RRP12: variants seen among roughly 807,000 people sequenced by gnomAD.
RRP12 encodes ribosomal RNA processing 12 homolog.
RRP12 carries 78 observed loss-of-function variants against 157.3 expected under a neutral mutation model. The observed-to-expected ratio is 0.50, with a 90% CI of 0.41 to 0.60. The LOEUF is 0.60. RRP12 is among the 20% of genes least tolerant of loss of function. RRP12 has a pLI of 0.00. For missense variants in RRP12, 1,521 were observed against 1,679.9 expected (o/e 0.91, Z 1.65); for synonymous variants, 726 against 670.9 (o/e 1.08, Z -1.27).
intron 30 of RRP12, among the ~76,000 whole-genome samples, chr10:97,361,624 G>A (rs913808003): frequency 1.3e-5 from 2 of 152,218 alleles, no homozygotes; most frequent in African/African-American, 4.8e-5. Flanking sequence ...ACTGGCCGAA[G>A]CCCAGCTGAG....
intron 31 of RRP12, among the ~76,000 whole-genome samples, chr10:97,360,200 G>A (rs528778583): frequency 2.0e-5 from 3 of 152,316 alleles, no homozygotes; most frequent in South Asian, 2.1e-4. Flanking sequence ...AGCCTGACTC[G>A]GTTGGTGCTC....
chr10:97,364,035 C>G (rs531669684), intron 29 of RRP12, 132 bp from the exon 30 acceptor site: 1 of 738,678 alleles, frequency 1.4e-6, no homozygotes, highest in Admixed American at 2.0e-5. Flanking sequence ...CTTCCTCAGA[C>G]CAATATCATC....
At position 97,401,328 on chromosome 10, in the gene RRP12, T is replaced by C; in HGVS notation, c.-97A>G. ...CACGTGGATACCCTGTAGCCTTCAC[T>C]TCCTCTTCTTCTGGCGTCACTTCCG... On this transcript the variant is annotated 5_prime_UTR_variant, in exon 1 of 34. Transcript: ENST00000370992. 2 of 1,454,956 alleles carry C rather than the reference T, an allele frequency of 1.4e-6. No homozygotes were observed. The highest frequency in any genetic ancestry group is 9.4e-7 in the Non-Finnish European group (1 of 1,058,684). The allele number at this position is 1,454,956 out of a possible 1,614,324, so 90.1% of individuals were successfully genotyped here. A position where few individuals can be genotyped will look rare whatever the true frequency, so the allele number is the denominator to read the frequency against.
At chr10:97,360,887 G>A (rs1185803989) in intron 30 of RRP12, among the ~76,000 whole-genome samples, 2 of 152,206 alleles carry the variant, frequency 1.3e-5, no homozygotes, top group African/African-American at 2.4e-5. Flanking sequence ...TTTCCACTCT[G>A]GGCCCCACCC....
chr10:97,357,264 G>T (rs1843735299), intron 33 of RRP12, 68 bp from the exon 34 acceptor site: 2 of 1,008,652 alleles, frequency 2.0e-6, no homozygotes, highest in Non-Finnish European at 3.0e-6. Flanking sequence ...GTTGCCAAAT[G>T]ATGGCTCACC....
intron 4 of RRP12, chr10:97,393,332 A>C: frequency 2.2e-6 from 1 of 456,494 alleles, no homozygotes; most frequent in Non-Finnish European, 4.3e-6. Context: ...CCCTATAGAC[A>C]TGCCTTTTGT....
rs887739572 is a variant in RRP12 at position 97,357,284 on chromosome 10, A to C, written c.3792-88T>G. ...CAAATGATGGCTCACCCCCAGCGCC[A>C]GCAGGGATGAGAAGGGGGCCTCCAG... On this transcript the variant is annotated intron_variant, in intron 33 of 33. Transcript: ENST00000370992. The C allele has an allele frequency of 6.3e-6, 5 of 793,978 alleles. No homozygotes were observed. In the Admixed American group the frequency reaches 7.6e-5, roughly 12 times the overall value. The allele number at this position is 793,978 out of a possible 1,614,324, so 49.2% of individuals were successfully genotyped here. A position where few individuals can be genotyped will look rare whatever the true frequency, so the allele number is the denominator to read the frequency against.
intron 33 of RRP12, among the ~76,000 whole-genome samples, chr10:97,358,199 G>A (rs1843759870): frequency 6.6e-6 from 1 of 151,970 alleles, no homozygotes; most frequent in Admixed American, 6.6e-5. Context: ...TGGGCATGGT[G>A]GCACGCGCCT....
intron 5 of RRP12, 84 bp from the exon 6 acceptor site, chr10:97,390,623 C>G (rs758859520): frequency 1.5e-6 from 2 of 1,362,194 alleles, no homozygotes; most frequent in Non-Finnish European, 2.1e-6. Context: ...TCCAGAAAAT[C>G]GCATCTGTCT....
At position 97,370,770 on chromosome 10, in the gene RRP12, G is replaced by A. The variant is rs543138148; in HGVS notation, c.2529C>T (p.Ile843=). The part of the protein sequence containing the change: ...KRPRLKCLLH[I]VRKLSAEHKE... ...TGTGTTCAGCTGAGAGCTTCCTCAC[G>A]ATGTGTAGGAGGCACTTCAAACGGG... The change falls in exon 22 of 34, where the codon ATC becomes ATT. Residue 843 remains isoleucine (I), a synonymous_variant. Transcript: ENST00000370992. 1.1e-5 allele frequency: 18 copies of A among 1,613,984 alleles called. No individual in the cohort carries two copies. In the Admixed American group the frequency reaches 1.2e-4, roughly 10 times the overall value.
intron 32 of RRP12, 79 bp downstream of exon 32, chr10:97,358,864 G>T: frequency 2.5e-6 from 3 of 1,214,110 alleles, no homozygotes; most frequent in Non-Finnish European, 3.6e-6. Context: ...TCAGGACAGT[G>T]ATGGGCACAG....
In RRP12 at chr10:97,385,947, G is replaced by A. The variant is rs1461493910; in HGVS notation, c.1064C>T (p.Ala355Val). The change falls in exon 9 of 34, where the codon GCC (alanine) becomes GTC (valine). Residue 355 changes from alanine to valine, a missense_variant. Transcript: ENST00000370992. ...AMQAFHSLFH[A>V]RPGLSTLSAE... is the part of the protein sequence containing the mutation. ...TGACAGGGTGCTCAGGCCAGGCCTG[G>A]CGTGGAAGAGGCTGTGAAAGGCCTG... 1.1e-5 allele frequency: 17 copies of A among 1,606,610 alleles called. No individual in the cohort carries two copies. Among genetic ancestry groups the A allele is most frequent in the Non-Finnish European group, 1.4e-5 (16 of 1,176,850 alleles).
Position 97,390,433 on chromosome 10 carries a change from G to A in RRP12, c.743C>T (p.Pro248Leu), listed in dbSNP as rs777833961. Residue 248 changes from proline to leucine, a missense_variant, in exon 6 of 34, where the codon CCC (proline) becomes CTC (leucine). Coordinates refer to ENST00000370992, the MANE Select transcript of RRP12 (RefSeq NM_015179.4). ...YHGLLSFTVHPKPKIRKAAQH... is the reference protein window; with the variant it reads ...YHGLLSFTVHLKPKIRKAAQH... ...AGCTAGTAGTCTCACCTTGGGCTTGGGATGCACCGTGAAGCTCAGCAGCCC... is the reference window on the plus strand; with the variant it reads ...AGCTAGTAGTCTCACCTTGGGCTTGAGATGCACCGTGAAGCTCAGCAGCCC... 6 of 1,612,936 alleles carry A rather than the reference G, an allele frequency of 3.7e-6. No individual in the cohort carries two copies. The highest frequency in any genetic ancestry group is 5.1e-6 in the Non-Finnish European group (6 of 1,179,006).
intron 29 of RRP12, 127 bp downstream of exon 29, chr10:97,365,980 CA>C: frequency 3.1e-6 from 4 of 1,305,548 alleles, no homozygotes; most frequent in Non-Finnish European, 4.3e-6. Flanking sequence ...TTGAGAAACT[CA>C]AAAAGTTTGA....
Position 97,370,231 on chromosome 10 carries a change from C to T in RRP12, c.2733G>A (p.Val911=), listed in dbSNP as rs1329660346. Residue 911 remains valine (V), a synonymous_variant, in exon 24 of 34, where the codon GTG becomes GTA. Transcript: ENST00000370992. ...TGCAGCTGACCATGGTCACCGCGCC[C>T]ACCAGGCCAGGGTAGATCAGGACGA... ...CYLVLIYPGL[V]GAVTMVSCSI... is the part of the protein sequence containing the mutation. 2 of 1,605,834 alleles carry T rather than the reference C, an allele frequency of 1.2e-6. No homozygotes were observed. The highest frequency in any genetic ancestry group is 1.7e-6 in the Non-Finnish European group (2 of 1,176,754).
chr10:97,386,968 T>C (rs10882917), intron 8 of RRP12, among the ~76,000 whole-genome samples: 58,212 of 151,020 alleles, frequency 0.39, 11,672 homozygotes, highest in African/African-American at 0.51. Context: ...CCAGCCTGGG[T>C]GACAGAGCGA....
In RRP12 at chr10:97,400,379, G is replaced by A. The variant is rs1291340831; in HGVS notation, c.295C>T (p.Leu99Phe). Residue 99 changes from leucine (L) to phenylalanine (F), a missense_variant, in exon 2 of 34, where the codon CTT becomes TTT. By Grantham distance (22) the Leu-to-Phe change is conservative. Transcript: ENST00000370992. ...EKSSGTFLSG[L>F]SDCTNVTFSK... Reference sequence around the variant, plus strand: ...AAGGTGACGTTTGTGCAGTCGGAAAGGCCACTCAGGAAGGTACCCGAGGAC... The same window carrying A: ...AAGGTGACGTTTGTGCAGTCGGAAAAGCCACTCAGGAAGGTACCCGAGGAC... 1.2e-5 allele frequency: 19 copies of A among 1,613,968 alleles called. No homozygotes were observed. The highest frequency in any genetic ancestry group is 1.6e-5 in the Non-Finnish European group (19 of 1,180,010).
At chr10:97,371,231 A>T in intron 20 of RRP12, 150 bp from the exon 21 acceptor site, 1 of 814,882 alleles carries the variant, frequency 1.2e-6, no homozygotes, top group East Asian at 2.7e-5. Context: ...GTGGACAGCG[A>T]GTGGCTAACT....
intron 2 of RRP12, among the ~76,000 whole-genome samples, chr10:97,397,149 TTTGTTGTTG>T (rs937996715): frequency 2.0e-5 from 3 of 151,742 alleles, no homozygotes; most frequent in Non-Finnish European, 2.9e-5. Flanking sequence ...ATACTGTATT[TTTGTTGTTG>T]TTGTTGTTGT....
Sources: gnomAD v4.1 joint callset for allele counts (sites outside exome capture counted in the v4.1 genomes callset) on GRCh38, gnomAD v4.1.1 for gene constraint, MANE v1.5 for transcripts, NCBI Gene and HGNC (gene_info 2026-07-23, HGNC 2026-07-21) for gene names.